The following PBRM1 variants were observed in gnomAD, a reference collection of about 807,000 sequenced individuals.
PBRM1 encodes the protein protein polybromo-1.
Under a neutral mutation model 194.5 loss-of-function variants are expected in PBRM1, and 27 were observed. The ratio of observed to expected loss-of-function variants is 0.14; its 90% confidence interval spans 0.10 to 0.19. The LOEUF (loss-of-function observed/expected upper bound fraction) is 0.19, where lower values mean the gene tolerates loss of function less well. Ranked by LOEUF, PBRM1 falls within the 10% of genes least tolerant of loss-of-function variation. The pLI is 1.00. For missense variants in PBRM1, 1,466 were observed against 2,077.2 expected, an observed-to-expected ratio of 0.71 and a Z score of 5.72; for synonymous variants, 655 against 693.2, an observed-to-expected ratio of 0.94 and a Z score of 0.87.
intron 2 of PBRM1, among the ~76,000 whole-genome samples, chr3:52,677,429 T>TTTTTTTA (rs2097130428): frequency 1.4e-5 from 2 of 141,314 alleles, no homozygotes; most frequent in African/African-American, 5.3e-5. Context: ...TTTTTTTTTT[T>TTTTTTTA]GAGATGGAGT....
intron 10 of PBRM1, among the ~76,000 whole-genome samples, chr3:52,640,887 C>G (rs756045623): frequency 6.6e-6 from 1 of 152,024 alleles, no homozygotes; most frequent in Non-Finnish European, 1.5e-5. Flanking sequence ...GATCCACCCC[C>G]CTCAGCCTCC....
At chr3:52,558,126 G>T (rs766056904) in intron 26 of PBRM1, 123 bp downstream of exon 28, 9 of 678,524 alleles carry the variant, frequency 1.3e-5, no homozygotes, top group Non-Finnish European at 1.7e-5. Flanking sequence ...CAACATGGAT[G>T]ACTTCAAACT....
At chr3:52,618,408 G>C (rs554919791) in intron 13 of PBRM1, among the ~76,000 whole-genome samples, 47 of 152,236 alleles carry the variant, frequency 3.1e-4, no homozygotes, top group South Asian at 1.9e-3. Context: ...CTTGCCCAAG[G>C]TAAGTTTCCT....
intron 20 of PBRM1, among the ~76,000 whole-genome samples, chr3:52,581,173 A>T (rs888686605): frequency 3.9e-5 from 6 of 152,222 alleles, no homozygotes; most frequent in South Asian, 2.1e-4. Context: ...GATCTTTATG[A>T]CTTCAAATGT....
At chr3:52,594,249 T>C (rs2093365793) in intron 17 of PBRM1, among the ~76,000 whole-genome samples, 1 of 152,180 alleles carries the variant, frequency 6.6e-6, no homozygotes, top group South Asian at 2.1e-4. Flanking sequence ...GCTTTATGAG[T>C]CTGGGTGCTC....
At chr3:52,664,733 CAA>C (rs796519581) in intron 3 of PBRM1, among the ~76,000 whole-genome samples, 1 of 106,866 alleles carries the variant, frequency 9.4e-6, no homozygotes, top group Non-Finnish European at 2.0e-5. Flanking sequence ...GACTCTATCA[CAA>C]AAAAAAAAAG....
chr3:52,632,710 A>ATTTTTTT, intron 11 of PBRM1, among the ~76,000 whole-genome samples: 1 of 143,986 alleles, frequency 6.9e-6, no homozygotes, highest in Non-Finnish European at 1.5e-5. Flanking sequence ...TTTTTAAGAG[A>ATTTTTTT]TGGAGTCTCA....
intron 8 of PBRM1, among the ~76,000 whole-genome samples, 174 bp from the exon 10 acceptor site, chr3:52,643,517 A>C (rs1244238637): frequency 6.6e-6 from 1 of 152,240 alleles, no homozygotes; most frequent in Non-Finnish European, 1.5e-5. Context: ...TGCGGGGAAG[A>C]ACAGACCAGG....
At chr3:52,636,396 A>T (rs995013243) in intron 10 of PBRM1, among the ~76,000 whole-genome samples, 9 of 152,106 alleles carry the variant, frequency 5.9e-5, no homozygotes, top group African/African-American at 2.2e-4. Flanking sequence ...CATAATTTAA[A>T]TTTTTCTTGA....
At chr3:52,584,004 C>T (rs1026757383) in intron 20 of PBRM1, among the ~76,000 whole-genome samples, 2 of 152,044 alleles carry the variant, frequency 1.3e-5, no homozygotes, top group African/African-American at 2.4e-5. Context: ...GGGCAAAGTT[C>T]TAATTTTTAA....
chr3:52,614,816 C>T (rs2153465764), intron 15 of PBRM1, among the ~76,000 whole-genome samples: 1 of 152,188 alleles, frequency 6.6e-6, no homozygotes, highest in South Asian at 2.1e-4. Context: ...AGTGATCTGC[C>T]CACCTCAGCC....
chr3:52,552,323 C>G (rs2081176596), intron 27 of PBRM1, among the ~76,000 whole-genome samples: 1 of 152,192 alleles, frequency 6.6e-6, no homozygotes, highest in African/African-American at 2.4e-5. Flanking sequence ...CATACTTGGG[C>G]AGCCGGTGAG....
intron 2 of PBRM1, among the ~76,000 whole-genome samples, chr3:52,676,385 T>G (rs1254904106): frequency 2.0e-5 from 3 of 152,192 alleles, no homozygotes; most frequent in African/African-American, 7.2e-5. Context: ...TCCCGTGCTA[T>G]TCTCGTGATA....
intron 15 of PBRM1, among the ~76,000 whole-genome samples, chr3:52,613,977 C>T (rs538739310): frequency 7.2e-5 from 11 of 152,262 alleles, no homozygotes; most frequent in African/African-American, 2.6e-4. Flanking sequence ...TATGCTTTTA[C>T]AATTCCATGA....
chr3:52,642,081 A>T (rs773585826), intron 9 of PBRM1, 36 bp from the exon 11 acceptor site: 2 of 1,059,178 alleles, frequency 1.9e-6, no homozygotes, highest in Non-Finnish European at 2.9e-6. Context: ...ACAGGGAAGG[A>T]TGTTATAATA....
chr3:52,603,479 C>T (rs1485387907), intron 17 of PBRM1, 42 bp downstream of exon 19: 2 of 1,562,080 alleles, frequency 1.3e-6, no homozygotes, highest in Non-Finnish European at 1.7e-6. Context: ...ACCTAGAAGA[C>T]AGTGCATTTT....
intron 20 of PBRM1, among the ~76,000 whole-genome samples, chr3:52,580,101 T>C (rs1034511447): frequency 6.6e-6 from 1 of 151,996 alleles, no homozygotes; most frequent in Non-Finnish European, 1.5e-5. Flanking sequence ...TTAGCTGTCT[T>C]TGGTGACATG....
chr3:52,681,893 A>G, upstream of PBRM1: 1 of 171,826 alleles, frequency 5.8e-6, no homozygotes, highest in Non-Finnish European at 1.2e-5. Context: ...ATGAGTACGA[A>G]TAGATAGAAA....
chr3:52,662,626 G>A (rs1242689094), intron 3 of PBRM1, among the ~76,000 whole-genome samples: 1 of 152,130 alleles, frequency 6.6e-6, no homozygotes, highest in Non-Finnish European at 1.5e-5. Context: ...AAGAGATCGA[G>A]ACCATCCTGG....
Sources: allele counts gnomAD v4.1 joint callset (sites outside exome capture counted in the v4.1 genomes callset), GRCh38; gene constraint gnomAD v4.1.1; transcripts MANE v1.5; gene names NCBI Gene and HGNC (gene_info 2026-07-23, HGNC 2026-07-21).